Variants in TTC6 observed in about 807,000 individuals in gnomAD.
The protein encoded by TTC6 is tetratricopeptide repeat protein 6.
Under a neutral mutation model 210.4 loss-of-function variants are expected in TTC6, and 172 were observed. That is an observed-to-expected ratio of 0.82 (90% CI 0.72 to 0.93). The LOEUF (loss-of-function observed/expected upper bound fraction) is 0.93, where lower values mean the gene tolerates loss of function less well. Ranked by LOEUF, TTC6 falls within the 40% of genes least tolerant of loss-of-function variation. TTC6 has a pLI of 0.00. For synonymous variants in TTC6, 804 were observed against 819.6 expected (o/e 0.98, Z 0.32); for missense variants, 2,414 against 2,318.1 (o/e 1.04, Z -0.85).
chr14:37,806,820 T>A (rs1472676572), intron 22 of TTC6, among the ~76,000 whole-genome samples: 1 of 152,236 alleles, frequency 6.6e-6, no homozygotes, highest in Non-Finnish European at 1.5e-5. Flanking sequence ...GTTACATAGA[T>A]TCCTGCCTTT....
At chr14:37,655,085 T>A (rs1445373977) in intron 1 of TTC6, among the ~76,000 whole-genome samples, 1 of 152,230 alleles carries the variant, frequency 6.6e-6, no homozygotes, top group Non-Finnish European at 1.5e-5. Flanking sequence ...GTTACTGCCA[T>A]TGACAGCTCT....
At chr14:37,596,479 C>T (rs958422347) in intron 1 of TTC6, among the ~76,000 whole-genome samples, 1 of 152,200 alleles carries the variant, frequency 6.6e-6, no homozygotes, top group Non-Finnish European at 1.5e-5. Flanking sequence ...GTCTTCCCAA[C>T]GCAAAGTCTC....
At position 37,724,911 on chromosome 14, in the gene TTC6, C is replaced by T. The variant is rs767251755; in HGVS notation, c.1727C>T (p.Pro576Leu). The stretch of plus-strand genomic sequence containing the variant: ...TTATTTTCAAAGATGTATGCTTATC[C>T]AGAATTCACGAAGTTGTTTTGGAAT... The change falls in exon 7 of 31, where the codon CCA becomes CTA. Residue 576 changes from proline (P) to leucine (L), a missense_variant. Pro to Leu is a moderately conservative substitution (Grantham distance 98). Coordinates refer to ENST00000553443, the Ensembl canonical transcript of TTC6. 3.3e-6 allele frequency: 5 copies of T among 1,523,192 alleles called. No individual in the cohort carries two copies. The South Asian group carries it at 6.1e-5, about 18-fold the overall frequency. The allele number at this position is 1,523,192 out of a possible 1,614,324, so 94.4% of individuals were successfully genotyped here.
intron 16 of TTC6, among the ~76,000 whole-genome samples, chr14:37,791,945 G>C (rs1200515430): frequency 2.0e-5 from 3 of 152,182 alleles, no homozygotes; most frequent in South Asian, 4.1e-4. Flanking sequence ...CTCTTTAGTT[G>C]AGAAAAACTA....
chr14:37,778,511 C>T (rs1191285525), intron 14 of TTC6, among the ~76,000 whole-genome samples: 2 of 152,114 alleles, frequency 1.3e-5, no homozygotes, highest in Non-Finnish European at 2.9e-5. Context: ...GGTGCACATG[C>T]AATTGCGCAT....
chr14:37,623,748 T>C (rs1483481275), intron 1 of TTC6, among the ~76,000 whole-genome samples: 2 of 152,230 alleles, frequency 1.3e-5, no homozygotes, highest in Non-Finnish European at 2.9e-5. Context: ...TCCAAGACAC[T>C]GAGCTGGAAC....
intron 26 of TTC6, among the ~76,000 whole-genome samples, chr14:37,819,866 T>C (rs2096151460): frequency 6.6e-6 from 1 of 152,200 alleles, no homozygotes; most frequent in Admixed American, 6.5e-5. Flanking sequence ...GTGGACAAGC[T>C]CAGCACATGA....
At chr14:37,742,346 AGTT>A (rs1175824286) in intron 10 of TTC6, among the ~76,000 whole-genome samples, 2 of 151,830 alleles carry the variant, frequency 1.3e-5, no homozygotes, top group African/African-American at 4.8e-5. Flanking sequence ...TCCAAGCAGG[AGTT>A]GTTATGTTTT....
At chr14:37,695,112 A>C (rs937734589) in intron 3 of TTC6, among the ~76,000 whole-genome samples, 2 of 151,054 alleles carry the variant, frequency 1.3e-5, no homozygotes, top group South Asian at 4.2e-4. Flanking sequence ...GGAGATCATT[A>C]TGTTAAGTGA....
chr14:37,815,294 G>C (rs1016794423), intron 25 of TTC6, among the ~76,000 whole-genome samples: 1 of 152,064 alleles, frequency 6.6e-6, no homozygotes, highest in Non-Finnish European at 1.5e-5. Context: ...CAGCCTTTTT[G>C]GTACCAGGGA....
intron 14 of TTC6, among the ~76,000 whole-genome samples, chr14:37,781,399 A>G (rs1335428088): frequency 1.3e-5 from 2 of 152,090 alleles, no homozygotes; most frequent in African/African-American, 4.8e-5. Context: ...GCATTTTTTC[A>G]TATGTCTGTT....
intron 2 of TTC6, among the ~76,000 whole-genome samples, chr14:37,681,064 T>C (rs1269655611): frequency 6.6e-6 from 1 of 152,170 alleles, no homozygotes; most frequent in African/African-American, 2.4e-5. Context: ...TATATTTTTC[T>C]CCTTTCTATT....
chr14:37,738,805 G>A (rs1595176929), exon 10 of TTC6: 2 of 1,516,000 alleles, frequency 1.3e-6, no homozygotes, highest in Non-Finnish European at 1.8e-6. Context: ...ACTTGAGGAA[G>A]GAGAAGATCA....
chr14:37,719,367 T>G (rs1201437592), intron 6 of TTC6, among the ~76,000 whole-genome samples: 1 of 152,076 alleles, frequency 6.6e-6, no homozygotes, highest in African/African-American at 2.4e-5. Context: ...TTCTAAAGTT[T>G]GTATGGAAAT....
chr14:37,649,543 G>A (rs1478084265), intron 1 of TTC6, among the ~76,000 whole-genome samples: 1 of 152,198 alleles, frequency 6.6e-6, no homozygotes, highest in Non-Finnish European at 1.5e-5. Flanking sequence ...CGAATCACTT[G>A]TCATTTATTC....
intron 1 of TTC6, among the ~76,000 whole-genome samples, chr14:37,641,172 G>C (rs2095691072): frequency 6.6e-6 from 1 of 152,138 alleles, no homozygotes; most frequent in Non-Finnish European, 1.5e-5. Flanking sequence ...ATCCCAGTTA[G>C]GTTACACATT....
chr14:37,790,067 C>T lies in TTC6; in HGVS notation c.3437-650C>T, dbSNP rs562919004. 2.0e-5 allele frequency among the ~76,000 whole-genome samples: 3 copies of T among 152,062 alleles called. No individual in the cohort carries two copies. In the East Asian group the frequency reaches 5.8e-4, roughly 29 times the overall value. ...CAGGTTACTGATGAGAGTCACACAC[C>T]TGGATTACTGAGAGGAGGTTCTTTT... On this transcript the variant is annotated intron_variant, in intron 15 of 30. Transcript: ENST00000553443.
chr14:37,717,338 A>G (rs938970085), intron 6 of TTC6, among the ~76,000 whole-genome samples: 1 of 152,128 alleles, frequency 6.6e-6, no homozygotes, highest in Non-Finnish European at 1.5e-5. Context: ...AAAGCCATAA[A>G]TTACCAATAT....
rs538230513 is a variant in TTC6 at position 37,817,509 on chromosome 14, A to G, written c.4690-69A>G. ...CTTGTGTCATTGTGGAATCACAGTT[A>G]GAAGGAAGTTTAAGATAGCACATAA... is the stretch of plus-strand genomic sequence containing the variant. On this transcript the variant is annotated intron_variant, in intron 25 of 30. Transcript: ENST00000553443. The G allele has an allele frequency of 7.9e-5, 107 of 1,357,856 alleles. No individual in the cohort carries two copies. The East Asian group carries it at 2.4e-3, about 31-fold the overall frequency. 84.1% of individuals were successfully genotyped at this position (1,357,856 alleles called of 1,614,324 possible). A position where few individuals can be genotyped will look rare whatever the true frequency, so the allele number is the denominator to read the frequency against.
Sources: gnomAD v4.1 joint callset for allele counts (sites outside exome capture counted in the v4.1 genomes callset) on GRCh38, gnomAD v4.1.1 for gene constraint, MANE v1.5 for transcripts, NCBI Gene and HGNC (gene_info 2026-07-23, HGNC 2026-07-21) for gene names.